The following DMC1 variants were observed in gnomAD, a reference collection of about 807,000 sequenced individuals.
DMC1 encodes DNA meiotic recombinase 1.
DMC1 carries 27 observed loss-of-function variants against 50.1 expected under a neutral mutation model. That is an observed-to-expected ratio of 0.54 (90% CI 0.40 to 0.74). The LOEUF (loss-of-function observed/expected upper bound fraction) is 0.74, where lower values mean the gene tolerates loss of function less well. Ranked by LOEUF, DMC1 falls within the 30% of genes least tolerant of loss-of-function variation. The pLI, the probability that DMC1 is intolerant of heterozygous loss-of-function variation, is 0.00. For synonymous variants in DMC1, 148 were observed against 136.1 expected, an observed-to-expected ratio of 1.09 and a Z score of -0.61; for missense variants, 295 against 420.2, an observed-to-expected ratio of 0.70 and a Z score of 2.60.
At chr22:38,513,945 A>G in the DMC1 span, among the ~76,000 whole-genome samples, 1 of 152,234 alleles carries the variant, frequency 6.6e-6, no homozygotes, top group East Asian at 1.9e-4. Flanking sequence ...AGTTAGAAGC[A>G]GTAACTTGGC....
chr22:38,549,749 C>T (rs1022507241), intron 8 of DMC1, 176 bp downstream of exon 8: 18 of 596,960 alleles, frequency 3.0e-5, no homozygotes, highest in African/African-American at 3.0e-4. Flanking sequence ...AGAAGTGAAA[C>T]CTCATTAAAT....
intron 8 of DMC1, 29 bp from the exon 9 acceptor site, chr22:38,539,441 T>C (rs1259650965): frequency 6.3e-7 from 1 of 1,587,154 alleles, no homozygotes; most frequent in Non-Finnish European, 8.7e-7. Context: ...AAGGATCCAA[T>C]AAGTCAATTC....
the DMC1 span, among the ~76,000 whole-genome samples, chr22:38,509,222 A>ACCAGCCTAGCCAACATGGC: frequency 6.6e-6 from 1 of 152,130 alleles, no homozygotes; most frequent in African/African-American, 2.4e-5. Context: ...GTTACACAAG[A>ACCAGCCTAGCCAACATGGC]AAACGTGTGT....
rs2089995649 is a variant in DMC1, at chr22:38,518,989, T to G, written c.*1031A>C. ...GATTTTATTTGTTTAACAATCAAAA[T>G]AATATCTTTTACACATTTCTAAGAT... On this transcript the variant is annotated 3_prime_UTR_variant, in exon 14 of 14. Coordinates refer to ENST00000216024, the MANE Select transcript of DMC1 (RefSeq NM_007068.4). 6.6e-6 allele frequency: 1 copy of G among 152,592 alleles called. No homozygotes were observed. The highest frequency in any genetic ancestry group is 2.1e-4 in the South Asian group (1 of 4,836). The allele number at this position is 152,592 out of a possible 1,614,324, so 9.5% of individuals were successfully genotyped here. A position where few individuals can be genotyped will look rare whatever the true frequency, so the allele number is the denominator to read the frequency against.
intron 5 of DMC1, 35 bp from the exon 6 acceptor site, chr22:38,555,444 A>G: frequency 7.6e-7 from 1 of 1,319,522 alleles, no homozygotes; most frequent in Non-Finnish European, 1.1e-6. Context: ...TAACAGGAAT[A>G]GAAATAGAAA....
intron 9 of DMC1, 142 bp from the exon 10 acceptor site, chr22:38,538,754 G>T: frequency 1.2e-6 from 1 of 814,036 alleles, no homozygotes; most frequent in Non-Finnish European, 2.1e-6. Context: ...TATTATTGCA[G>T]CAGGGCATGG....
chr22:38,535,836 G>T (rs1353196672), intron 12 of DMC1, among the ~76,000 whole-genome samples: 1 of 151,264 alleles, frequency 6.6e-6, no homozygotes, highest in Non-Finnish European at 1.5e-5. Context: ...TTGAACTCCT[G>T]ACCTCAGGTG....
At chr22:38,527,516 C>CTTT (rs891065117) in intron 12 of DMC1, among the ~76,000 whole-genome samples, 7 of 127,268 alleles carry the variant, frequency 5.5e-5, no homozygotes, top group East Asian at 4.5e-4. Flanking sequence ...CCTTTTTCTC[C>CTTT]TTTTTTTTTT....
At chr22:38,525,133 C>T (rs2090073987) in intron 12 of DMC1, among the ~76,000 whole-genome samples, 1 of 152,022 alleles carries the variant, frequency 6.6e-6, no homozygotes, top group South Asian at 2.1e-4. Flanking sequence ...GGTCTTATTC[C>T]CCAACTATAC....
Position 38,568,159 on chromosome 22 carries a change from T to C in DMC1, c.51+47A>G, listed in dbSNP as rs1481031346. 3.2e-6 allele frequency: 5 copies of C among 1,560,744 alleles called. No homozygotes were observed. In the African/African-American group the frequency reaches 5.4e-5, roughly 17 times the overall value. On this transcript the variant is annotated intron_variant, in intron 2 of 13. Transcript: ENST00000216024. Reference sequence around the variant, plus strand: ...GCTAACAGGGAAGGAACTTGATTTTTGCGGAATGATCGAATGTCTATATAT... The same window carrying C: ...GCTAACAGGGAAGGAACTTGATTTTCGCGGAATGATCGAATGTCTATATAT...
Position 38,568,257 on chromosome 22 carries a change from A to G in DMC1, c.-1T>C, listed in dbSNP as rs1386054607. 2 of 1,614,092 alleles carry G rather than the reference A, an allele frequency of 1.2e-6. No homozygotes were observed. On this transcript the variant is annotated 5_prime_UTR_variant, in exon 2 of 14. Transcript: ENST00000216024. ...CCGCCACAACTTGATCCTCCTTCAT[A>G]TTGAAAAGTGGGCAACAGAAAAATA...
At chr22:38,565,155 C>T (rs891332025) in intron 4 of DMC1, among the ~76,000 whole-genome samples, 10 of 152,172 alleles carry the variant, frequency 6.6e-5, no homozygotes, top group African/African-American at 2.4e-4. Flanking sequence ...CCCAAAAGCT[C>T]TACATAAAAG....
chr22:38,523,486 T>C (rs1602711533), intron 12 of DMC1, among the ~76,000 whole-genome samples: 1 of 152,356 alleles, frequency 6.6e-6, no homozygotes, highest in Middle Eastern at 3.4e-3. Context: ...TTTATGCTTC[T>C]GTAATGTACT....
chr22:38,528,264 A>G (rs574001327), intron 12 of DMC1, among the ~76,000 whole-genome samples: 1 of 151,438 alleles, frequency 6.6e-6, no homozygotes, highest in South Asian at 2.1e-4. Context: ...GAGTTTCATC[A>G]TGTTAGCCAG....
chr22:38,555,663 C>T (rs2090461976), intron 5 of DMC1, among the ~76,000 whole-genome samples: 1 of 151,656 alleles, frequency 6.6e-6, no homozygotes, highest in Admixed American at 6.6e-5. Flanking sequence ...GTTCTTACTT[C>T]AATAGTAAAT....
At chr22:38,552,165 C>A (rs531770228) in intron 7 of DMC1, among the ~76,000 whole-genome samples, 8 of 152,212 alleles carry the variant, frequency 5.3e-5, no homozygotes, top group African/African-American at 1.7e-4. Flanking sequence ...CCGGCCAGAA[C>A]TCCTTTCTTA....
At chr22:38,525,761 T>C (rs1346601926) in intron 12 of DMC1, among the ~76,000 whole-genome samples, 2 of 151,910 alleles carry the variant, frequency 1.3e-5, no homozygotes, top group African/African-American at 4.8e-5. Context: ...GACAACATGG[T>C]AAAACCCCAT....
chr22:38,551,286 C>A (rs1199247501), intron 7 of DMC1, among the ~76,000 whole-genome samples: 1 of 148,652 alleles, frequency 6.7e-6, no homozygotes, highest in Non-Finnish European at 1.5e-5. Context: ...TGCTATATAA[C>A]TAATATGTTA....
chr22:38,544,648 A>G (rs2090322524), intron 8 of DMC1, among the ~76,000 whole-genome samples: 1 of 147,880 alleles, frequency 6.8e-6, no homozygotes, highest in South Asian at 2.1e-4. Flanking sequence ...TTTTTTTGAG[A>G]CAGAGTCTTG....
Sources: gnomAD v4.1 joint callset for allele counts (sites outside exome capture counted in the v4.1 genomes callset) on GRCh38, gnomAD v4.1.1 for gene constraint, MANE v1.5 for transcripts, NCBI Gene and HGNC (gene_info 2026-07-23, HGNC 2026-07-21) for gene names.